The following HIPK3 variants were observed in gnomAD, a reference collection of about 807,000 sequenced individuals.
HIPK3 encodes homeodomain interacting protein kinase 3.
HIPK3 carries 47 observed loss-of-function variants against 124.2 expected under a neutral mutation model. The observed-to-expected ratio is 0.38, with a 90% CI of 0.30 to 0.48. The LOEUF (loss-of-function observed/expected upper bound fraction) is 0.48, where lower values mean the gene tolerates loss of function less well. HIPK3 is among the 20% of genes least tolerant of loss of function. The pLI is 0.98. For synonymous variants in HIPK3, 482 were observed against 515.2 expected (o/e 0.94, Z 0.87); for missense variants, 1,286 against 1,454.3 (o/e 0.88, Z 1.88).
intron 2 of HIPK3, among the ~76,000 whole-genome samples, chr11:33,300,658 G>C (rs995106583): frequency 4.6e-5 from 7 of 152,148 alleles, no homozygotes; most frequent in African/African-American, 1.7e-4. Flanking sequence ...CTTTATTGTG[G>C]TGGTCTGGAA....
rs1243062595 is a variant in HIPK3 at position 33,353,774 on chromosome 11, T to C, written c.*206T>C. The C allele has an allele frequency of 3.8e-6, 2 of 522,474 alleles. No homozygotes were observed. Among genetic ancestry groups the C allele is most frequent in the African/African-American group, 1.9e-5 (1 of 52,196 alleles). The allele number at this position is 522,474 out of a possible 1,614,324, so 32.4% of individuals were successfully genotyped here. On this transcript the variant is annotated 3_prime_UTR_variant, in exon 17 of 17. Coordinates refer to ENST00000303296, the MANE Select transcript of HIPK3 (RefSeq NM_005734.5). ...TGTCTTTGGTCATGTTATCTTCTTA[T>C]GTAGTAACTCTAGACAGGTGACTTA...
chr11:33,332,673 AAAAT>A (rs1853021571), intron 3 of HIPK3, among the ~76,000 whole-genome samples: 2 of 152,240 alleles, frequency 1.3e-5, no homozygotes, highest in Non-Finnish European at 2.9e-5. Context: ...AACTGCAGAG[AAAAT>A]AAATCTTTCA....
chr11:33,343,899 A>G (rs1048265617), intron 8 of HIPK3, among the ~76,000 whole-genome samples: 5 of 152,194 alleles, frequency 3.3e-5, no homozygotes, highest in African/African-American at 2.4e-5. Context: ...GTGGTCTGTG[A>G]GTATCTGTAA....
chr11:33,295,968 A>G (rs1435925900), intron 2 of HIPK3, among the ~76,000 whole-genome samples: 2 of 152,182 alleles, frequency 1.3e-5, no homozygotes, highest in African/African-American at 4.8e-5. Context: ...TCACTGACCA[A>G]TTTTAGCATT....
At position 33,279,346 on chromosome 11, in the gene HIPK3, AAAGAG is replaced by A. The variant is rs201101774; in HGVS notation, c.-2-7062_-2-7058del. On this transcript the variant is annotated intron_variant, in intron 1 of 16. Transcript: ENST00000303296. Reference sequence around the variant, plus strand: ...TCTCAAAAAAAAAAAAAAAAAAAAAAAAGAGAAGAAGAAGAACCCTATTACATATG... The same window carrying A: ...TCTCAAAAAAAAAAAAAAAAAAAAAAAAGAAGAAGAACCCTATTACATATG... Among the ~76,000 whole-genome samples the A allele has an allele frequency of 6.7e-3, 1,002 of 150,378 alleles. 3 individuals carry two copies. Among genetic ancestry groups the A allele is most frequent in the Non-Finnish European group, 0.011 (761 of 67,588 alleles).
intron 2 of HIPK3, among the ~76,000 whole-genome samples, chr11:33,319,502 A>G (rs1387103080): frequency 2.0e-5 from 3 of 152,106 alleles, no homozygotes; most frequent in Non-Finnish European, 4.4e-5. Flanking sequence ...ATCTCAAAAA[A>G]AAAAAAAAAG....
chr11:33,298,754 T>C (rs1851908788), intron 2 of HIPK3, among the ~76,000 whole-genome samples: 1 of 152,156 alleles, frequency 6.6e-6, no homozygotes, highest in Non-Finnish European at 1.5e-5. Flanking sequence ...ATTAGTAGAA[T>C]TAGAAGTGGA....
intron 13 of HIPK3, 117 bp from the exon 14 acceptor site, chr11:33,349,030 G>A: frequency 9.8e-7 from 1 of 1,015,272 alleles, no homozygotes; most frequent in Non-Finnish European, 1.4e-6. Flanking sequence ...TTAACTTTTT[G>A]TCCATGTAGG....
intron 1 of HIPK3, among the ~76,000 whole-genome samples, chr11:33,270,782 C>T (rs1851103940): frequency 6.6e-6 from 1 of 151,466 alleles, no homozygotes; most frequent in South Asian, 2.1e-4. Context: ...ATGGTGAAAC[C>T]CTGTCTCTAA....
At chr11:33,259,796 C>A in intron 1 of HIPK3, among the ~76,000 whole-genome samples, 1 of 109,302 alleles carries the variant, frequency 9.1e-6, no homozygotes. Flanking sequence ...CCCTCTGCCT[C>A]CCGCCCCCCG....
Position 33,347,662 on chromosome 11 carries a change from C to G in HIPK3, c.2053C>G (p.Pro685Ala). The G allele has an allele frequency of 2.5e-6, 4 of 1,614,068 alleles. No homozygotes were observed. Among genetic ancestry groups the G allele is most frequent in the Non-Finnish European group, 3.4e-6 (4 of 1,179,980 alleles). ...TGGTAGAACACAGCAGATGCTGGTG[C>G]CTGCCTGGCAACAGGTGACACCCCT... ...WSGRTQQMLVPAWQQVTPLAP... is the reference protein window; with the variant it reads ...WSGRTQQMLVAAWQQVTPLAP... Residue 685 changes from proline to alanine, a missense_variant, in exon 10 of 17, where the codon CCT (proline) becomes GCT (alanine). By Grantham distance (27) the Pro-to-Ala change is conservative. Transcript: ENST00000303296.
intron 2 of HIPK3, among the ~76,000 whole-genome samples, chr11:33,327,884 C>G (rs1044939282): frequency 1.2e-4 from 19 of 152,160 alleles, no homozygotes; most frequent in Non-Finnish European, 1.0e-4. Flanking sequence ...TAATATGTTT[C>G]TTGGAGTACA....
chr11:33,271,547 CAG>C (rs952574386), intron 1 of HIPK3, among the ~76,000 whole-genome samples: 1 of 152,130 alleles, frequency 6.6e-6, no homozygotes, highest in Non-Finnish European at 1.5e-5. Context: ...GCCTGGGCAA[CAG>C]AGCAAGACCC....
intron 3 of HIPK3, among the ~76,000 whole-genome samples, chr11:33,334,936 A>C (rs983713468): frequency 2.0e-5 from 3 of 152,162 alleles, no homozygotes; most frequent in African/African-American, 7.2e-5. Flanking sequence ...ATAACTCAGA[A>C]TTGAAGAGGA....
chr11:33,259,508 C>A (rs977368179), intron 1 of HIPK3, among the ~76,000 whole-genome samples: 14 of 152,140 alleles, frequency 9.2e-5, no homozygotes, highest in African/African-American at 3.1e-4. Context: ...TTATCTTATG[C>A]TTTCGTGCCA....
intron 1 of HIPK3, among the ~76,000 whole-genome samples, chr11:33,264,119 G>A (rs952291573): frequency 6.6e-6 from 1 of 150,912 alleles, no homozygotes; most frequent in Non-Finnish European, 1.5e-5. Flanking sequence ...AGATTTCTAG[G>A]TACACTTTTA....
chr11:33,308,641 T>TGTGTGA (rs752821265), intron 2 of HIPK3, among the ~76,000 whole-genome samples: 2 of 151,614 alleles, frequency 1.3e-5, no homozygotes, highest in African/African-American at 4.8e-5. Context: ...TGTGTGTGTG[T>TGTGTGA]GAGATTCTGC....
At position 33,301,064 on chromosome 11, in the gene HIPK3, C is replaced by T. The variant is rs1275909361; in HGVS notation, c.1097+13553C>T. 2.6e-5 allele frequency among the ~76,000 whole-genome samples: 4 copies of T among 152,116 alleles called. No homozygotes were observed. In the East Asian group the frequency reaches 7.7e-4, roughly 29 times the overall value. ...TGTATATTAAAATCATAAATTCATG[C>T]TGATATGTCCAATTTTGATACCTGA... On this transcript the variant is annotated intron_variant, in intron 2 of 16. Transcript: ENST00000303296.
chr11:33,307,467 C>T (rs1284357718), intron 2 of HIPK3, among the ~76,000 whole-genome samples: 1 of 146,736 alleles, frequency 6.8e-6, no homozygotes, highest in Non-Finnish European at 1.5e-5. Context: ...GGCGTGATCT[C>T]GGTTTATTGC....
Sources: gnomAD v4.1 joint callset for allele counts (sites outside exome capture counted in the v4.1 genomes callset) on GRCh38, gnomAD v4.1.1 for gene constraint, MANE v1.5 for transcripts, NCBI Gene and HGNC (gene_info 2026-07-23, HGNC 2026-07-21) for gene names.